PLCL1: variants seen among roughly 807,000 people sequenced by gnomAD.
The protein encoded by PLCL1 is inactive phospholipase C-like protein 1.
PLCL1 carries 41 observed loss-of-function variants against 84.4 expected under a neutral mutation model. The ratio of observed to expected loss-of-function variants is 0.49; its 90% CI spans 0.38 to 0.63. The LOEUF (loss-of-function observed/expected upper bound fraction) is 0.63. Among genes scored for constraint, PLCL1 ranks in the 30% least tolerant of loss-of-function variants. The pLI, the probability that PLCL1 is intolerant of heterozygous loss-of-function variation, is 0.00. For synonymous variants in PLCL1, 490 were observed against 488.3 expected (o/e 1.00, Z -0.05); for missense variants, 1,206 against 1,367.8 (o/e 0.88, Z 1.87).
chr2:197,958,074 G>A (rs1238388698), intron 1 of PLCL1, among the ~76,000 whole-genome samples: 2 of 151,930 alleles, frequency 1.3e-5, no homozygotes, highest in Admixed American at 6.6e-5. Flanking sequence ...CCCTTGTCTA[G>A]TAGCTTTTAT....
chr2:198,089,156 G>A, intron 3 of PLCL1, 95 bp downstream of exon 3: 1 of 862,720 alleles, frequency 1.2e-6, no homozygotes, highest in South Asian at 1.4e-5. Context: ...GAATAACACA[G>A]GGTGACTACC....
At chr2:198,039,932 G>C (rs991101262) in intron 1 of PLCL1, among the ~76,000 whole-genome samples, 1 of 152,172 alleles carries the variant, frequency 6.6e-6, no homozygotes, top group East Asian at 1.9e-4. Flanking sequence ...CATGTTATTT[G>C]CTAGAATGGG....
intron 1 of PLCL1, among the ~76,000 whole-genome samples, chr2:197,950,565 G>A (rs1275832433): frequency 6.6e-6 from 1 of 152,114 alleles, no homozygotes; most frequent in African/African-American, 2.4e-5. Flanking sequence ...AGCAATAGAA[G>A]ATTCACTAGT....
chr2:197,863,910 G>A (rs745327990), intron 1 of PLCL1, among the ~76,000 whole-genome samples: 1 of 152,084 alleles, frequency 6.6e-6, no homozygotes, highest in Non-Finnish European at 1.5e-5. Flanking sequence ...GACTTCTTTG[G>A]TATGGCCTAT....
chr2:197,997,180 C>T (rs111526569), intron 1 of PLCL1, among the ~76,000 whole-genome samples: 6 of 152,224 alleles, frequency 3.9e-5, no homozygotes, highest in African/African-American at 7.2e-5. Flanking sequence ...CTGTGCACAG[C>T]GTAAGTGGCA....
intron 1 of PLCL1, among the ~76,000 whole-genome samples, chr2:197,885,393 C>A (rs1417677745): frequency 6.6e-6 from 1 of 152,118 alleles, no homozygotes; most frequent in African/African-American, 2.4e-5. Flanking sequence ...TGAGATTTCC[C>A]AGCTCAAGTG....
chr2:198,132,969 G>A (rs1188904442), intron 5 of PLCL1, among the ~76,000 whole-genome samples: 4 of 151,244 alleles, frequency 2.6e-5, no homozygotes, highest in South Asian at 2.1e-4. Flanking sequence ...TAGGTCTAAC[G>A]TTTAAATCTT....
intron 1 of PLCL1, among the ~76,000 whole-genome samples, chr2:198,037,549 G>C (rs953219365): frequency 6.6e-6 from 1 of 152,152 alleles, no homozygotes; most frequent in African/African-American, 2.4e-5. Context: ...AGAGATTATA[G>C]GAGAAGCTTC....
At chr2:197,992,926 G>T (rs1177141098) in intron 1 of PLCL1, among the ~76,000 whole-genome samples, 1 of 152,134 alleles carries the variant, frequency 6.6e-6, no homozygotes, top group Non-Finnish European at 1.5e-5. Context: ...GGGTACTTGG[G>T]TTACTTCCAT....
At chr2:197,859,798 T>G (rs540884740) in intron 1 of PLCL1, among the ~76,000 whole-genome samples, 1 of 152,320 alleles carries the variant, frequency 6.6e-6, no homozygotes, top group Admixed American at 6.5e-5. Flanking sequence ...CACCTAGTTT[T>G]GGATAAATAC....
intron 1 of PLCL1, among the ~76,000 whole-genome samples, chr2:198,035,809 C>T (rs1691540916): frequency 1.3e-5 from 2 of 152,188 alleles, no homozygotes; most frequent in South Asian, 4.1e-4. Context: ...CCAAGGCGGG[C>T]AGATCACCTG....
intron 1 of PLCL1, among the ~76,000 whole-genome samples, chr2:197,817,231 T>C (rs1222227332): frequency 5.3e-5 from 8 of 150,726 alleles, no homozygotes; most frequent in Middle Eastern, 3.2e-3. Context: ...ATTTTTTTTT[T>C]CTTGTCCAAA....
chr2:197,916,777 C>A (rs977286209), intron 1 of PLCL1, among the ~76,000 whole-genome samples: 2 of 151,820 alleles, frequency 1.3e-5, no homozygotes, highest in African/African-American at 4.8e-5. Flanking sequence ...AAAGTTATTA[C>A]CTGCTCAAAT....
intron 1 of PLCL1, among the ~76,000 whole-genome samples, chr2:198,057,763 C>T (rs1692102554): frequency 6.6e-6 from 1 of 152,142 alleles, no homozygotes; most frequent in Non-Finnish European, 1.5e-5. Context: ...TCAGTCACAG[C>T]TAGGCGTGGC....
At chr2:197,807,976 G>T (rs1690515940) in intron 1 of PLCL1, among the ~76,000 whole-genome samples, 1 of 152,114 alleles carries the variant, frequency 6.6e-6, no homozygotes, top group African/African-American at 2.4e-5. Context: ...GAAAACATGT[G>T]TTTAGTTGAA....
At chr2:198,051,781 C>T (rs538078637) in intron 1 of PLCL1, among the ~76,000 whole-genome samples, 2 of 152,178 alleles carry the variant, frequency 1.3e-5, no homozygotes, top group Non-Finnish European at 2.9e-5. Flanking sequence ...TGTCGCCAGG[C>T]TGGAGTGCAG....
intron 1 of PLCL1, among the ~76,000 whole-genome samples, chr2:197,815,985 A>T (rs1690678754): frequency 6.6e-6 from 1 of 152,192 alleles, no homozygotes. Flanking sequence ...AGAATATTAC[A>T]TAAACCTATT....
rs556428439 is a variant in PLCL1 at position 197,821,112 on chromosome 2, T to A, written c.240+15773T>A. Among the ~76,000 whole-genome samples, 43 of 152,236 alleles carry A rather than the reference T, an allele frequency of 2.8e-4. 1 individual carries two copies. Among genetic ancestry groups the A allele is most frequent in the Non-Finnish European group, 1.2e-4 (8 of 68,002 alleles). ...GTAGTTTTCTTCAAGTTCTCTTTTT[T>A]CCCCCTATCATTTGGGTCTTTTCCT... On this transcript the variant is annotated intron_variant, in intron 1 of 5. Transcript: ENST00000428675.
At chr2:198,024,561 C>T (rs1452867760) in intron 1 of PLCL1, among the ~76,000 whole-genome samples, 5 of 152,014 alleles carry the variant, frequency 3.3e-5, no homozygotes, top group Admixed American at 3.3e-4. Flanking sequence ...GTCGGGAGTT[C>T]GAGACCAGCC....
Sources: gnomAD v4.1 joint callset for allele counts (sites outside exome capture counted in the v4.1 genomes callset) on GRCh38, gnomAD v4.1.1 for gene constraint, MANE v1.5 for transcripts, NCBI Gene and HGNC (gene_info 2026-07-23, HGNC 2026-07-21) for gene names.